RAPGEF4: variants seen among roughly 807,000 people sequenced by gnomAD.
RAPGEF4 encodes the protein RAP guanine-nucleotide-exchange factor (GEF) 4.
In RAPGEF4, 66 loss-of-function variants were observed where a neutral mutation model predicts 147.9. That is an observed-to-expected ratio of 0.45 (90% CI 0.37 to 0.55). The LOEUF (loss-of-function observed/expected upper bound fraction) is 0.55, where lower values mean the gene tolerates loss of function less well. Ranked by LOEUF, RAPGEF4 falls within the 20% of genes least tolerant of loss-of-function variation. RAPGEF4 has a pLI of 0.00. For missense variants in RAPGEF4, 1,071 were observed against 1,257.3 expected (o/e 0.85, Z 2.24); for synonymous variants, 419 against 442.7 (o/e 0.95, Z 0.67).
chr2:173,033,823 G>T, intron 26 of RAPGEF4, 91 bp from the exon 27 acceptor site: 2 of 1,183,660 alleles, frequency 1.7e-6, no homozygotes, highest in Non-Finnish European at 2.5e-6. Flanking sequence ...AGAGCCAATG[G>T]ATATATATTT....
Position 173,010,973 on chromosome 2 carries a change from TC to T in RAPGEF4, c.1659-3489del, listed in dbSNP as rs549606350. Among the ~76,000 whole-genome samples the T allele has an allele frequency of 1.6e-3, 236 of 152,224 alleles. 1 individual carries two copies. The highest frequency in any genetic ancestry group is 4.1e-3 in the South Asian group (20 of 4,826). ...AGACTTTGTGAAATAAGTCAGCGCT[TC>T]CTTTTATTTTCCCAGGGGTAAAAAT... is the stretch of plus-strand genomic sequence containing the variant. On this transcript the variant is annotated intron_variant, in intron 17 of 30. Transcript: ENST00000397081.
chr2:173,011,851 T>C (rs1695054068), intron 17 of RAPGEF4, among the ~76,000 whole-genome samples: 1 of 109,220 alleles, frequency 9.2e-6, no homozygotes, highest in Non-Finnish European at 2.0e-5. Flanking sequence ...AGACTCCGTC[T>C]CAAAAAAAAA....
At chr2:172,955,047 G>C (rs1183312838) in intron 6 of RAPGEF4, among the ~76,000 whole-genome samples, 1 of 152,152 alleles carries the variant, frequency 6.6e-6, no homozygotes, top group Non-Finnish European at 1.5e-5. Context: ...TACCGCACTG[G>C]TTTGGCAGGA....
chr2:172,747,702 A>G (rs917023499), intron 1 of RAPGEF4, among the ~76,000 whole-genome samples: 12 of 152,112 alleles, frequency 7.9e-5, no homozygotes, highest in South Asian at 2.1e-4. Flanking sequence ...GGCTTAAGCA[A>G]TCCTCCTACC....
intron 3 of RAPGEF4, among the ~76,000 whole-genome samples, chr2:172,802,097 T>G (rs1687042931): frequency 1.3e-5 from 2 of 151,762 alleles, no homozygotes; most frequent in African/African-American, 4.8e-5. Flanking sequence ...GATGTGGAGG[T>G]GTAGAGAGAA....
At chr2:172,739,030 T>C (rs956533326) in intron 1 of RAPGEF4, among the ~76,000 whole-genome samples, 2 of 152,210 alleles carry the variant, frequency 1.3e-5, no homozygotes, top group Non-Finnish European at 2.9e-5. Flanking sequence ...ATATGTAGAT[T>C]AGATTAAAGA....
chr2:172,870,911 G>A (rs979422190), intron 4 of RAPGEF4, among the ~76,000 whole-genome samples: 2 of 152,124 alleles, frequency 1.3e-5, no homozygotes, highest in African/African-American at 4.8e-5. Context: ...GAAATGTTGT[G>A]AAAAGAGGTA....
At chr2:172,931,606 GC>G (rs1459134140) in intron 6 of RAPGEF4, among the ~76,000 whole-genome samples, 1 of 152,178 alleles carries the variant, frequency 6.6e-6, no homozygotes, top group Non-Finnish European at 1.5e-5. Flanking sequence ...AAGTGAGGAA[GC>G]CACACCCAAA....
At chr2:173,011,752 A>G (rs372531657) in intron 17 of RAPGEF4, among the ~76,000 whole-genome samples, 68 of 152,280 alleles carry the variant, frequency 4.5e-4, no homozygotes, top group African/African-American at 1.6e-3. Flanking sequence ...TTCTTTGCCT[A>G]AGTACTTGTA....
intron 1 of RAPGEF4, among the ~76,000 whole-genome samples, chr2:172,793,848 T>C (rs1455805841): frequency 1.3e-5 from 2 of 152,120 alleles, no homozygotes; most frequent in Non-Finnish European, 2.9e-5. Flanking sequence ...TCAAGAAATA[T>C]GAACAGACTG....
intron 1 of RAPGEF4, among the ~76,000 whole-genome samples, chr2:172,785,442 T>C (rs900665426): frequency 1.3e-5 from 2 of 152,186 alleles, no homozygotes; most frequent in African/African-American, 4.8e-5. Context: ...ATACCTTCTG[T>C]AGCCTTTTAT....
intron 17 of RAPGEF4, among the ~76,000 whole-genome samples, chr2:173,004,289 G>A (rs954712849): frequency 1.2e-4 from 18 of 152,098 alleles, no homozygotes; most frequent in Admixed American, 1.1e-3. Flanking sequence ...GATTTGACCC[G>A]ATGAATACAA....
intron 23 of RAPGEF4, among the ~76,000 whole-genome samples, chr2:173,025,116 G>T (rs1028708338): frequency 6.6e-6 from 1 of 152,130 alleles, no homozygotes; most frequent in Admixed American, 6.5e-5. Context: ...TCTGTACCTG[G>T]GTGTCACATG....
rs998761296 is a variant in RAPGEF4 at position 172,960,899 on chromosome 2, C to A, written c.591+86C>A. 6 of 1,133,278 alleles carry A rather than the reference C, an allele frequency of 5.3e-6. No homozygotes were observed. The African/African-American group carries it at 7.8e-5, about 15-fold the overall frequency. 70.2% of individuals were successfully genotyped at this position (1,133,278 alleles called of 1,614,324 possible). A position where few individuals can be genotyped will look rare whatever the true frequency, so the allele number is the denominator to read the frequency against. ...TGGTCCATATGTCAGGGGATCACAT[C>A]AGGAAGCCTCTGATACATTTTCTAG... is the stretch of plus-strand genomic sequence containing the variant. On this transcript the variant is annotated intron_variant, in intron 7 of 30. Coordinates refer to ENST00000397081, the MANE Select transcript of RAPGEF4 (RefSeq NM_007023.4).
At chr2:172,844,781 T>C (rs1260087007) in intron 4 of RAPGEF4, among the ~76,000 whole-genome samples, 1 of 152,226 alleles carries the variant, frequency 6.6e-6, no homozygotes, top group East Asian at 1.9e-4. Flanking sequence ...GTTTTTGTTT[T>C]TAGTTCATTC....
intron 15 of RAPGEF4, among the ~76,000 whole-genome samples, chr2:172,995,273 GTGTGTGTGTGTGTGTGTT>G (rs1244209367): frequency 1.3e-5 from 2 of 151,618 alleles, no homozygotes; most frequent in African/African-American, 4.9e-5. Flanking sequence ...GTGTGTGTGT[GTGTGTGTGTGTGTGTGTT>G]TGTATTTTGA....
intron 4 of RAPGEF4, among the ~76,000 whole-genome samples, chr2:172,913,670 T>C (rs1683704795): frequency 6.6e-6 from 1 of 152,184 alleles, no homozygotes; most frequent in Admixed American, 6.5e-5. Context: ...TTTGTTTTGA[T>C]TGTTTGTATG....
chr2:172,817,937 A>G (rs911532724), intron 4 of RAPGEF4, among the ~76,000 whole-genome samples: 1 of 147,504 alleles, frequency 6.8e-6, no homozygotes, highest in South Asian at 2.1e-4. Flanking sequence ...TTACAATTAT[A>G]TATATAATGT....
In RAPGEF4 at chr2:172,854,080, G is replaced by A. The variant is rs374883896; in HGVS notation, c.444+39655G>A. Among the ~76,000 whole-genome samples, 25 of 152,010 alleles carry A rather than the reference G, an allele frequency of 1.6e-4. 1 individual carries two copies. The highest frequency in any genetic ancestry group is 1.2e-3 in the Admixed American group (19 of 15,254). ...AATGTGCATTCTGCAGCTGTTGGGT[G>A]TAGTATTTTTTAAATGTCAATTAGG... On this transcript the variant is annotated intron_variant, in intron 4 of 30. Transcript: ENST00000397081.
Sources: gnomAD v4.1 joint callset for allele counts (sites outside exome capture counted in the v4.1 genomes callset) on GRCh38, gnomAD v4.1.1 for gene constraint, MANE v1.5 for transcripts, NCBI Gene and HGNC (gene_info 2026-07-23, HGNC 2026-07-21) for gene names.